The following ATG16L2 variants were observed in gnomAD, a reference collection of about 807,000 sequenced individuals.
The protein encoded by ATG16L2 is autophagy related 16 like 2.
In ATG16L2, 77 loss-of-function variants were observed where a neutral mutation model predicts 84.7. That is an observed-to-expected ratio of 0.91 (90% CI 0.76 to 1.10). ATG16L2 has a LOEUF of 1.10. ATG16L2 is among the 50% of genes least tolerant of loss of function. The pLI, the probability that ATG16L2 is intolerant of heterozygous loss-of-function variation, is 0.00. For synonymous variants in ATG16L2, 361 were observed against 342.8 expected (o/e 1.05, Z -0.59); for missense variants, 782 against 817.6 (o/e 0.96, Z 0.53).
intron 3 of ATG16L2, 73 bp from the exon 4 acceptor site, chr11:72,821,595 G>A: frequency 2.0e-6 from 3 of 1,505,506 alleles, no homozygotes; most frequent in Non-Finnish European, 2.6e-6. Context: ...GACTCCCTTA[G>A]CGCCTTCGGC....
chr11:72,832,757 C>T (rs1040823097), downstream of ATG16L2, among the ~76,000 whole-genome samples: 1 of 152,188 alleles, frequency 6.6e-6, no homozygotes, highest in African/African-American at 2.4e-5. Context: ...GGGATAAGAA[C>T]CCAGACCTCT....
In ATG16L2 at chr11:72,822,118, G is replaced by A. The variant is rs1555032600; in HGVS notation, c.467G>A (p.Trp156Ter). The change falls in exon 5 of 18, where the codon TGG becomes TAG. Residue 156 changes from tryptophan (W) to a stop codon, truncating the protein, a stop_gained. Coordinates refer to ENST00000321297, the MANE Select transcript of ATG16L2 (RefSeq NM_033388.2). LOFTEE classifies it high-confidence loss of function. The surrounding 1 kb of genome is among the most constrained non-coding windows in gnomAD (Gnocchi z 4.2). ...CAGCAGGCCCAGCAGGTGGAGGAGT[G>A]GCGGGCGCAGAATGCGGTGCAGCGG... The part of the protein sequence containing the change: ...RAQQAQQVEE[W>*]RAQNAVQRAA... 1.3e-6 allele frequency: 2 copies of A among 1,519,414 alleles called. No homozygotes were observed. The highest frequency in any genetic ancestry group is 2.4e-5 in the South Asian group (2 of 81,718). 94.1% of individuals were successfully genotyped at this position (1,519,414 alleles called of 1,614,324 possible). A position where few individuals can be genotyped will look rare whatever the true frequency, so the allele number is the denominator to read the frequency against.
In ATG16L2 at chr11:72,823,454, T is replaced by C. The variant is rs994381443; in HGVS notation, c.824+493T>C. 2.0e-5 allele frequency: 7 copies of C among 356,804 alleles called. No homozygotes were observed. The Admixed American group carries it at 2.7e-4, about 14-fold the overall frequency. 22.1% of individuals were successfully genotyped at this position (356,804 alleles called of 1,614,324 possible). On this transcript the variant is annotated intron_variant, in intron 7 of 17. Transcript: ENST00000321297. The stretch of plus-strand genomic sequence containing the variant: ...TGGGGCTTCAGACCTTGGGTGCCTG[T>C]CCGCAGGGTCTCCTCCATCCTTCTT...
downstream of ATG16L2, among the ~76,000 whole-genome samples, chr11:72,834,138 G>A (rs1334997107): frequency 1.3e-5 from 2 of 151,952 alleles, no homozygotes; most frequent in Non-Finnish European, 2.9e-5. Context: ...GCAGGATTTG[G>A]GGATAAATTA....
downstream of ATG16L2, among the ~76,000 whole-genome samples, chr11:72,830,924 C>T (rs78238378): frequency 5.9e-3 from 894 of 152,364 alleles, 9 homozygotes; most frequent in Non-Finnish European, 9.0e-3. Flanking sequence ...GCCACCGTGC[C>T]TGGCTATTTC....
In ATG16L2 at chr11:72,826,703, G is replaced by A. The variant is rs766430064; in HGVS notation, c.1246G>A (p.Glu416Lys). Residue 416 changes from glutamate (E) to lysine (K), a missense_variant and splice_region_variant, in exon 13 of 18, where the codon GAG (glutamate) becomes AAG (lysine). Coordinates refer to ENST00000321297, the MANE Select transcript of ATG16L2 (RefSeq NM_033388.2). Reference protein sequence around the residue: ...LWKVGEAQSKETLSGHKDKVT... With the variant: ...LWKVGEAQSKKTLSGHKDKVT... ...ATCCGTACCTGGGGCCGGGGTACAG[G>A]AGACACTGTCTGGACACAAGGATAA... 2.5e-6 allele frequency: 4 copies of A among 1,614,146 alleles called. No individual in the cohort carries two copies. Among genetic ancestry groups the A allele is most frequent in the Non-Finnish European group, 3.4e-6 (4 of 1,180,004 alleles).
chr11:72,841,354 A>AAAT, intron 5 of ATG16L2: 1 of 1,138,142 alleles, frequency 8.8e-7, no homozygotes, highest in Admixed American at 2.8e-5. Flanking sequence ...AAAAAAAAAA[A>AAAT]AAAAAAAAAA....
intron 5 of ATG16L2, among the ~76,000 whole-genome samples, chr11:72,839,082 C>T (rs1292777557): frequency 6.6e-6 from 1 of 152,238 alleles, no homozygotes; most frequent in African/African-American, 2.4e-5. Flanking sequence ...CACAAATCAG[C>T]TTCTTGCCTA....
At chr11:72,825,465 CT>C in intron 10 of ATG16L2, 58 bp downstream of exon 10, 2 of 1,350,514 alleles carry the variant, frequency 1.5e-6, no homozygotes. Flanking sequence ...CTCTCCTCAG[CT>C]CACTCCTTGG....
chr11:72,832,652 G>A (rs1291610497), downstream of ATG16L2, among the ~76,000 whole-genome samples: 3 of 152,174 alleles, frequency 2.0e-5, no homozygotes, highest in African/African-American at 7.2e-5. Context: ...GCCTGAATTC[G>A]GGTGCCTAGG....
At chr11:72,840,708 T>C (rs966319799) in intron 5 of ATG16L2, among the ~76,000 whole-genome samples, 1 of 150,812 alleles carries the variant, frequency 6.6e-6, no homozygotes, top group Non-Finnish European at 1.5e-5. Flanking sequence ...CCGAGATGAG[T>C]TGATTTCTAT....
At chr11:72,821,944 C>T in intron 4 of ATG16L2, 100 bp from the exon 5 acceptor site, 1 of 1,427,672 alleles carries the variant, frequency 7.0e-7, no homozygotes, top group East Asian at 2.6e-5. Context: ...CGGCTAGCCG[C>T]GTTTGGCATG....
chr11:72,828,752 C>T lies in ATG16L2; in HGVS notation c.1646C>T (p.Ser549Phe). The T allele has an allele frequency of 6.2e-7, 1 of 1,614,230 alleles. No individual in the cohort carries two copies. The highest frequency in any genetic ancestry group is 8.5e-7 in the Non-Finnish European group (1 of 1,180,036). The change falls in exon 16 of 18, where the codon TCT becomes TTT. Residue 549 changes from serine to phenylalanine, a missense_variant. By Grantham distance (155) the Ser-to-Phe change is radical. Transcript: ENST00000321297. ...AGGGCCGATGGCTTCAAGTGTGGTT[C>T]TGACTGGACCAAAGCTGTGTTCAGG... is the stretch of plus-strand genomic sequence containing the variant. ...VFRADGFKCG[S>F]DWTKAVFSPD...
At chr11:72,823,147 A>T in intron 7 of ATG16L2, 186 bp downstream of exon 7, 1 of 551,674 alleles carries the variant, frequency 1.8e-6, no homozygotes, top group Non-Finnish European at 3.2e-6. Flanking sequence ...GGTCAGTTCC[A>T]TCTCACCCCC....
In ATG16L2 at chr11:72,824,044, CTT is replaced by C. The variant is rs1860180643; in HGVS notation, c.825-15_825-14del. Reference sequence around the variant, plus strand: ...CCAGCCAGTCCCTTAGCATATCTCTCTTGGTTTTGTCTCAGGTCTGCCTCAGC... The same window carrying C: ...CCAGCCAGTCCCTTAGCATATCTCTCGGTTTTGTCTCAGGTCTGCCTCAGC... On this transcript the variant is annotated splice_polypyrimidine_tract_variant and intron_variant, in intron 7 of 17. Coordinates refer to ENST00000321297, the MANE Select transcript of ATG16L2 (RefSeq NM_033388.2). 4 of 1,614,200 alleles carry C rather than the reference CTT, an allele frequency of 2.5e-6. No individual in the cohort carries two copies. The highest frequency in any genetic ancestry group is 2.5e-6 in the Non-Finnish European group (3 of 1,180,004).
chr11:72,823,091 A>C (rs1402153913), intron 7 of ATG16L2, 130 bp downstream of exon 7: 2 of 642,960 alleles, frequency 3.1e-6, no homozygotes, highest in Non-Finnish European at 5.3e-6. Flanking sequence ...CAGAAAGCTC[A>C]GATCTCCCAG....
chr11:72,818,103 C>T (rs2135077224), intron 3 of ATG16L2: 1 of 520,760 alleles, frequency 1.9e-6, no homozygotes, highest in African/African-American at 1.9e-5. Flanking sequence ...CAGCCCATTT[C>T]CCTTCCACAT....
chr11:72,814,761 C>G (rs543843025), intron 1 of ATG16L2, among the ~76,000 whole-genome samples, 198 bp downstream of exon 1: 1 of 152,260 alleles, frequency 6.6e-6, no homozygotes, highest in African/African-American at 2.4e-5. Context: ...GGACGAGCCC[C>G]TCCTGGTCCC....
intron 17 of ATG16L2, 107 bp downstream of exon 17, chr11:72,829,091 C>A: frequency 1.6e-6 from 2 of 1,238,590 alleles, no homozygotes; most frequent in Non-Finnish European, 2.3e-6. Flanking sequence ...GTCCCTCCAC[C>A]TTCCACCCGA....
Sources: allele counts gnomAD v4.1 joint callset (sites outside exome capture counted in the v4.1 genomes callset), GRCh38; gene constraint gnomAD v4.1.1; non-coding constraint Gnocchi (gnomAD v3.1); transcripts MANE v1.5; gene names NCBI Gene and HGNC (gene_info 2026-07-23, HGNC 2026-07-21).